Variants in MICU1 observed in about 807,000 individuals in gnomAD.
The protein encoded by MICU1 is calcium uptake protein 1, mitochondrial.
Under a neutral mutation model 56.8 loss-of-function variants are expected in MICU1, and 45 were observed. That is an observed-to-expected ratio of 0.79 (90% CI 0.62 to 1.02). The LOEUF (loss-of-function observed/expected upper bound fraction) is 1.02. Ranked by LOEUF, MICU1 falls within the 50% of genes least tolerant of loss-of-function variation. The pLI is 0.00. For missense variants in MICU1, 504 were observed against 587.1 expected (o/e 0.86, Z 1.46); for synonymous variants, 186 against 195.1 (o/e 0.95, Z 0.39).
intron 8 of MICU1, among the ~76,000 whole-genome samples, chr10:72,453,978 G>T (rs1474615872): frequency 6.6e-6 from 1 of 152,074 alleles, no homozygotes; most frequent in Non-Finnish European, 1.5e-5. Context: ...TGGGATTGCA[G>T]ATGCACACCA....
At chr10:72,510,678 C>T in intron 5 of MICU1, among the ~76,000 whole-genome samples, 1 of 150,956 alleles carries the variant, frequency 6.6e-6, no homozygotes, top group African/African-American at 2.4e-5. Context: ...GAGTCTCGCT[C>T]TGTCACCCAG....
chr10:72,506,452 A>G (rs1017224100), intron 6 of MICU1, among the ~76,000 whole-genome samples: 4 of 152,318 alleles, frequency 2.6e-5, no homozygotes, highest in African/African-American at 9.6e-5. Context: ...CTGCTACATC[A>G]TGGCTATTTG....
intron 8 of MICU1, among the ~76,000 whole-genome samples, chr10:72,453,801 G>T (rs1455544775): frequency 1.3e-5 from 2 of 151,638 alleles, no homozygotes; most frequent in African/African-American, 4.8e-5. Flanking sequence ...AAAGTGCTGG[G>T]ATTACAGGCG....
At chr10:72,444,436 G>A (rs1208178461) in intron 8 of MICU1, among the ~76,000 whole-genome samples, 1 of 146,134 alleles carries the variant, frequency 6.8e-6, no homozygotes, top group Non-Finnish European at 1.5e-5. Flanking sequence ...CTATGTGAGA[G>A]TCTTTGCCTT....
intron 8 of MICU1, among the ~76,000 whole-genome samples, chr10:72,454,230 G>C (rs111242154): frequency 2.0e-5 from 3 of 148,796 alleles, no homozygotes; most frequent in Non-Finnish European, 4.5e-5. Flanking sequence ...CAAGGTGGGC[G>C]GATCACCTGA....
chr10:72,463,798 G>A (rs1266707325), intron 8 of MICU1, among the ~76,000 whole-genome samples: 1 of 152,172 alleles, frequency 6.6e-6, no homozygotes, highest in Non-Finnish European at 1.5e-5. Context: ...GTACAGCAAT[G>A]TCTTAGACCA....
At chr10:72,569,630 G>A (rs990552746) in intron 1 of MICU1, among the ~76,000 whole-genome samples, 6 of 152,126 alleles carry the variant, frequency 3.9e-5, no homozygotes, top group African/African-American at 1.4e-4. Context: ...GTCAGCAAAA[G>A]CTTTTGTTTA....
chr10:72,505,109 G>A (rs1009050922), intron 6 of MICU1, among the ~76,000 whole-genome samples: 1 of 151,666 alleles, frequency 6.6e-6, no homozygotes, highest in African/African-American at 2.4e-5. Context: ...GAGTAGCTGG[G>A]ATTACAGGCA....
chr10:72,396,805 T>C (rs561273783), intron 10 of MICU1, among the ~76,000 whole-genome samples: 56 of 152,228 alleles, frequency 3.7e-4, no homozygotes, highest in African/African-American at 1.3e-3. Flanking sequence ...AAATCTACAT[T>C]TGATTGATGT....
chr10:72,452,826 A>G (rs1180846129), intron 8 of MICU1, among the ~76,000 whole-genome samples: 2 of 151,542 alleles, frequency 1.3e-5, no homozygotes, highest in Non-Finnish European at 3.0e-5. Flanking sequence ...GGCAGTATTC[A>G]TTTACTAAAA....
chr10:72,399,411 T>C (rs1255625316), intron 10 of MICU1, among the ~76,000 whole-genome samples: 1 of 152,160 alleles, frequency 6.6e-6, no homozygotes, highest in Non-Finnish European at 1.5e-5. Flanking sequence ...TATATACCTA[T>C]GTCTCAAACC....
chr10:72,542,636 G>T (rs968811613), intron 4 of MICU1, among the ~76,000 whole-genome samples: 6 of 152,228 alleles, frequency 3.9e-5, no homozygotes, highest in Admixed American at 1.3e-4. Context: ...TGGTTACAGT[G>T]CTCCTTTAGC....
chr10:72,510,011 T>A (rs1272481957), intron 5 of MICU1, among the ~76,000 whole-genome samples: 1 of 151,950 alleles, frequency 6.6e-6, no homozygotes, highest in Non-Finnish European at 1.5e-5. Flanking sequence ...GCCATAACAA[T>A]AAATGTGTAT....
intron 2 of MICU1, among the ~76,000 whole-genome samples, chr10:72,565,869 T>TA (rs1405221814): frequency 6.6e-6 from 1 of 151,834 alleles, no homozygotes; most frequent in Non-Finnish European, 1.5e-5. Flanking sequence ...AGAAAAACAG[T>TA]AACTATGTAT....
chr10:72,619,024 G>C (rs1365132865), intron 1 of MICU1, among the ~76,000 whole-genome samples: 1 of 152,198 alleles, frequency 6.6e-6, no homozygotes. Context: ...ATATGTGGTA[G>C]AATATGTGGA....
intron 1 of MICU1, among the ~76,000 whole-genome samples, chr10:72,604,009 T>C (rs1336368038): frequency 6.6e-6 from 1 of 152,118 alleles, no homozygotes; most frequent in Non-Finnish European, 1.5e-5. Context: ...TAGTCTCATT[T>C]AACAGCAAAT....
chr10:72,582,070 C>T (rs1364001117), intron 1 of MICU1, among the ~76,000 whole-genome samples: 1 of 152,160 alleles, frequency 6.6e-6, no homozygotes, highest in African/African-American at 2.4e-5. Context: ...GCTGGGATTA[C>T]AGGCATGTGC....
intron 4 of MICU1, among the ~76,000 whole-genome samples, chr10:72,537,699 T>A (rs1236973501): frequency 6.8e-6 from 1 of 147,908 alleles, no homozygotes; most frequent in Non-Finnish European, 1.5e-5. Context: ...GGCAGTTGCC[T>A]CTTTTCTTGA....
At chr10:72,393,107 T>A (rs759995218) in intron 10 of MICU1, among the ~76,000 whole-genome samples, 23 of 152,242 alleles carry the variant, frequency 1.5e-4, no homozygotes, top group Non-Finnish European at 7.3e-5. Context: ...TAGAGGTTTA[T>A]GTCTTGTTCA....
Sources: gnomAD v4.1 joint callset for allele counts (sites outside exome capture counted in the v4.1 genomes callset) on GRCh38, gnomAD v4.1.1 for gene constraint, MANE v1.5 for transcripts, NCBI Gene and HGNC (gene_info 2026-07-23, HGNC 2026-07-21) for gene names.